Variants in CLUAP1 observed in about 807,000 individuals in gnomAD.
CLUAP1 encodes the protein intraflagellar transport 38.
Under a neutral mutation model 55.0 loss-of-function variants are expected in CLUAP1, and 50 were observed. The observed-to-expected ratio is 0.91, with a 90% CI of 0.72 to 1.15. The LOEUF (loss-of-function observed/expected upper bound fraction) is 1.15, where lower values mean the gene tolerates loss of function less well. Ranked by LOEUF, CLUAP1 falls within the 50% of genes most tolerant of loss-of-function variation. CLUAP1 has a pLI of 0.00. For synonymous variants in CLUAP1, 195 were observed against 175.4 expected (o/e 1.11, Z -0.88); for missense variants, 530 against 507.6 (o/e 1.04, Z -0.42).
chr16:3,522,694 G>T (rs8054140), intron 7 of CLUAP1, among the ~76,000 whole-genome samples: 38,674 of 151,952 alleles, frequency 0.25, 4,977 homozygotes, highest in East Asian at 0.27. Context: ...AGGGTTACAG[G>T]TGTGAGCCGA....
upstream of CLUAP1, among the ~76,000 whole-genome samples, chr16:3,499,735 G>C (rs897176701): frequency 2.8e-4 from 42 of 152,248 alleles, no homozygotes; most frequent in African/African-American, 9.6e-4. Flanking sequence ...CTTATCTTTT[G>C]TTTTTCTTAA....
At position 3,512,547 on chromosome 16, in the gene CLUAP1, C is replaced by T. The variant is rs528985113; in HGVS notation, c.495+69C>T. On this transcript the variant is annotated intron_variant, in intron 5 of 11. Coordinates refer to ENST00000576634, the MANE Select transcript of CLUAP1 (RefSeq NM_015041.3). ...AAGGTTTTCTTTTTCAATTCTGTTT[C>T]TCCCTTTTCAGTTCTGATTTAATGA... is the stretch of plus-strand genomic sequence containing the variant. 9.3e-5 allele frequency: 115 copies of T among 1,238,332 alleles called. 3 individuals carry two copies. In the South Asian group the frequency reaches 1.4e-3, roughly 15 times the overall value. 76.7% of individuals were successfully genotyped at this position (1,238,332 alleles called of 1,614,324 possible).
Position 3,536,570 on chromosome 16 carries a change from A to G in CLUAP1, c.*299A>G. 4.1e-6 allele frequency: 1 copy of G among 243,728 alleles called. No individual in the cohort carries two copies. Among genetic ancestry groups the G allele is most frequent in the Non-Finnish European group, 8.0e-6 (1 of 125,456 alleles). The allele number at this position is 243,728 out of a possible 1,614,324, so 15.1% of individuals were successfully genotyped here. A position where few individuals can be genotyped will look rare whatever the true frequency, so the allele number is the denominator to read the frequency against. ...GGACAAAAACTCAAGAAGAAATAAG[A>G]GCTGACGCCACACAAGTCTTGGCTG... On this transcript the variant is annotated 3_prime_UTR_variant, in exon 12 of 12. Transcript: ENST00000576634.
At chr16:3,514,244 A>G (rs929608063) in intron 5 of CLUAP1, among the ~76,000 whole-genome samples, 1 of 152,132 alleles carries the variant, frequency 6.6e-6, no homozygotes, top group African/African-American at 2.4e-5. Context: ...CTCTTTCAAC[A>G]CCATCCTGTA....
At position 3,526,407 on chromosome 16, in the gene CLUAP1, C is replaced by T. The variant is rs1161755797; in HGVS notation, c.856-5C>T. ...TCTCCTGAGTCTGTATTTCCTCTTC[C>T]ACAGGAAGCTAAAAACACTCTCTGC... is the stretch of plus-strand genomic sequence containing the variant. On this transcript the variant is annotated splice_region_variant and splice_polypyrimidine_tract_variant and intron_variant, in intron 8 of 11. Transcript: ENST00000576634. 1 of 1,597,518 alleles carries T rather than the reference C, an allele frequency of 6.3e-7. No homozygotes were observed. The highest frequency in any genetic ancestry group is 8.5e-7 in the Non-Finnish European group (1 of 1,174,250).
At chr16:3,532,757 T>G in intron 10 of CLUAP1, 29 bp from the exon 11 acceptor site, 1 of 1,612,562 alleles carries the variant, frequency 6.2e-7, no homozygotes. Flanking sequence ...AAGATTTTTA[T>G]GACTTCTTCA....
At chr16:3,497,146 C>G (rs2037322951), upstream of CLUAP1, among the ~76,000 whole-genome samples, 1 of 151,646 alleles carries the variant, frequency 6.6e-6, no homozygotes, top group South Asian at 2.1e-4. Context: ...GCTGGGATTA[C>G]AGGCATGACC....
upstream of CLUAP1, chr16:3,496,243 C>T (rs1382554065): frequency 1.2e-5 from 8 of 646,854 alleles, no homozygotes; most frequent in East Asian, 4.0e-5. Flanking sequence ...AAAGGTTCGG[C>T]GCAAAGAGCC....
At chr16:3,530,463 T>A (rs2038091810) in intron 9 of CLUAP1, 105 bp from the exon 10 acceptor site, 2 of 756,442 alleles carry the variant, frequency 2.6e-6, no homozygotes, top group Admixed American at 2.3e-5. Context: ...CTGGATAGAA[T>A]AAGAAATGAA....
At chr16:3,504,639 G>A (rs2037467482) in intron 1 of CLUAP1, 81 bp from the exon 2 acceptor site, 1 of 838,216 alleles carries the variant, frequency 1.2e-6, no homozygotes, top group Non-Finnish European at 2.1e-6. Flanking sequence ...AAATAAGAAG[G>A]AAAAGTAAAG....
chr16:3,531,064 C>G (rs1346745953), intron 10 of CLUAP1, among the ~76,000 whole-genome samples: 3 of 152,188 alleles, frequency 2.0e-5, no homozygotes, highest in South Asian at 2.1e-4. Context: ...ACAAAAGATT[C>G]AAGCAACAAA....
chr16:3,523,424 T>C, intron 8 of CLUAP1, 125 bp downstream of exon 8: 1 of 1,145,246 alleles, frequency 8.7e-7, no homozygotes, highest in Non-Finnish European at 1.2e-6. Flanking sequence ...CCCTGGTCAG[T>C]CTGAGGATTG....
chr16:3,499,545 CTCT>C (rs1176610576), upstream of CLUAP1, among the ~76,000 whole-genome samples: 1 of 152,248 alleles, frequency 6.6e-6, no homozygotes, highest in African/African-American at 2.4e-5. Flanking sequence ...CCTTGATCAT[CTCT>C]TCATTTGCAT....
At chr16:3,532,309 C>G (rs2038137538) in intron 10 of CLUAP1, among the ~76,000 whole-genome samples, 1 of 151,272 alleles carries the variant, frequency 6.6e-6, no homozygotes, top group African/African-American at 2.4e-5. Flanking sequence ...GTCAAAGGTT[C>G]CATAAATTTT....
chr16:3,513,194 C>G (rs2151050415), intron 5 of CLUAP1, among the ~76,000 whole-genome samples: 1 of 152,338 alleles, frequency 6.6e-6, no homozygotes, highest in Non-Finnish European at 1.5e-5. Context: ...ACTTCTGAAG[C>G]CTGGCTTTCA....
intron 5 of CLUAP1, among the ~76,000 whole-genome samples, chr16:3,514,083 C>G (rs1267627605): frequency 6.6e-6 from 1 of 152,224 alleles, no homozygotes; most frequent in Non-Finnish European, 1.5e-5. Flanking sequence ...GAGTAAGGTA[C>G]CTCCAGGCTT....
intron 9 of CLUAP1, among the ~76,000 whole-genome samples, chr16:3,528,744 C>T (rs530817576): frequency 1.3e-5 from 2 of 152,294 alleles, no homozygotes; most frequent in South Asian, 4.1e-4. Context: ...GTCTCTGATC[C>T]ACTTTGAGTT....
chr16:3,531,668 G>C (rs960978621), intron 10 of CLUAP1, among the ~76,000 whole-genome samples: 10 of 152,276 alleles, frequency 6.6e-5, no homozygotes, highest in Admixed American at 5.9e-4. Flanking sequence ...TGTCTTTACA[G>C]ATTACCTTTC....
intron 3 of CLUAP1, among the ~76,000 whole-genome samples, chr16:3,506,965 G>A (rs1437820819): frequency 6.6e-6 from 1 of 152,112 alleles, no homozygotes; most frequent in Admixed American, 6.5e-5. Context: ...GGAAGGCCGA[G>A]GTGGGCGGAT....
Sources: gnomAD v4.1 joint callset for allele counts (sites outside exome capture counted in the v4.1 genomes callset) on GRCh38, gnomAD v4.1.1 for gene constraint, MANE v1.5 for transcripts, NCBI Gene and HGNC (gene_info 2026-07-23, HGNC 2026-07-21) for gene names.